GAS7: variants seen among roughly 807,000 people sequenced by gnomAD.
The protein encoded by GAS7 is growth arrest-specific protein 7.
In GAS7, 28 loss-of-function variants were observed where a neutral mutation model predicts 71.1. That is an observed-to-expected ratio of 0.39 (90% CI 0.29 to 0.54). GAS7 has a LOEUF of 0.54. GAS7 is among the 20% of genes least tolerant of loss of function. GAS7 has a pLI of 0.62. For missense variants in GAS7, 436 were observed against 627.8 expected (o/e 0.69, Z 3.27); for synonymous variants, 258 against 245.8 (o/e 1.05, Z -0.46).
chr17:10,028,115 G>C (rs2072515306), intron 1 of GAS7, among the ~76,000 whole-genome samples: 1 of 152,192 alleles, frequency 6.6e-6, no homozygotes, highest in Non-Finnish European at 1.5e-5. Context: ...GCGTTGGCCA[G>C]GATGGTCTCG....
chr17:10,044,529 T>A lies in GAS7; in HGVS notation c.184-24632A>T, dbSNP rs112748387. 1.2e-3 allele frequency among the ~76,000 whole-genome samples: 185 copies of A among 152,374 alleles called. 2 individuals carry two copies. The highest frequency in any genetic ancestry group is 1.5e-3 in the Non-Finnish European group (101 of 68,044). ...AAAATTTTAACTTTCTGTAGATTTGTATGTATTTTGTGGTAGTAAATGATA... is the reference window on the plus strand; with the variant it reads ...AAAATTTTAACTTTCTGTAGATTTGAATGTATTTTGTGGTAGTAAATGATA... On this transcript the variant is annotated intron_variant, in intron 1 of 13. Transcript: ENST00000432992.
intron 1 of GAS7, among the ~76,000 whole-genome samples, chr17:10,117,929 C>T (rs763562382): frequency 5.3e-5 from 8 of 152,120 alleles, no homozygotes; most frequent in Non-Finnish European, 7.4e-5. Flanking sequence ...AAGGTTTTTG[C>T]CTCCAGCGGC....
intron 1 of GAS7, among the ~76,000 whole-genome samples, chr17:10,032,993 C>T (rs2072658892): frequency 6.6e-6 from 1 of 152,330 alleles, no homozygotes; most frequent in Non-Finnish European, 1.5e-5. Flanking sequence ...TGGGGATTCT[C>T]TTCCCCTTTG....
chr17:9,989,824 C>T (rs1290188931), intron 2 of GAS7, among the ~76,000 whole-genome samples: 1 of 152,204 alleles, frequency 6.6e-6, no homozygotes, highest in East Asian at 1.9e-4. Context: ...ATCAAACATT[C>T]ATTATTTCAT....
In GAS7 at chr17:9,926,776, GGA is replaced by G. The variant is rs2068017733; in HGVS notation, c.886-9_886-8del. On this transcript the variant is annotated splice_polypyrimidine_tract_variant and splice_region_variant and intron_variant, in intron 9 of 13. Coordinates refer to ENST00000432992, the MANE Select transcript of GAS7 (RefSeq NM_201433.2). The surrounding 1 kb of genome is among the most constrained non-coding windows in gnomAD (Gnocchi z 5.0). Reference sequence around the variant, plus strand: ...TCTCCACCTCGCTGTGAAGCTGTTGGGAGAGTAGAGACGCACACTCAGGACCC... The same window carrying G: ...TCTCCACCTCGCTGTGAAGCTGTTGGGAGTAGAGACGCACACTCAGGACCC... 1 of 1,613,924 alleles carries G rather than the reference GGA, an allele frequency of 6.2e-7. No homozygotes were observed. The highest frequency in any genetic ancestry group is 1.3e-5 in the African/African-American group (1 of 74,928).
At chr17:9,990,504 T>C (rs1025974606) in intron 2 of GAS7, among the ~76,000 whole-genome samples, 1 of 152,114 alleles carries the variant, frequency 6.6e-6, no homozygotes, top group Non-Finnish European at 1.5e-5. Context: ...TAGAAAGGGA[T>C]GACACAGGAG....
intron 11 of GAS7, among the ~76,000 whole-genome samples, chr17:9,921,488 G>A (rs1196297123): frequency 6.6e-6 from 1 of 152,154 alleles, no homozygotes; most frequent in Non-Finnish European, 1.5e-5. Flanking sequence ...TGTACACTGT[G>A]AAACTCCCTG....
At chr17:10,097,151 G>C (rs2073649633) in intron 1 of GAS7, among the ~76,000 whole-genome samples, 1 of 152,182 alleles carries the variant, frequency 6.6e-6, no homozygotes, top group African/African-American at 2.4e-5. Context: ...TCCTCTGTAA[G>C]GCCTCCTCAC....
intron 1 of GAS7, among the ~76,000 whole-genome samples, chr17:10,195,755 C>T (rs1313415864): frequency 6.6e-6 from 1 of 152,164 alleles, no homozygotes; most frequent in African/African-American, 2.4e-5. Flanking sequence ...TTCTCTGAGT[C>T]TGCCCTTCAG....
intron 1 of GAS7, among the ~76,000 whole-genome samples, chr17:10,114,173 C>T (rs1212476454): frequency 6.6e-6 from 1 of 152,140 alleles, no homozygotes; most frequent in Non-Finnish European, 1.5e-5. Flanking sequence ...AGAAATCCTC[C>T]TGCCTCAGCC....
intron 1 of GAS7, among the ~76,000 whole-genome samples, chr17:10,187,025 G>A (rs4791933): frequency 0.057 from 8,729 of 152,270 alleles, 417 homozygotes; most frequent in East Asian, 0.17. Context: ...CCCATGTGGT[G>A]GTCAACAGGG....
chr17:10,123,941 C>A (rs2073924422), intron 1 of GAS7, among the ~76,000 whole-genome samples: 1 of 152,228 alleles, frequency 6.6e-6, no homozygotes, highest in African/African-American at 2.4e-5. Context: ...GCACAAGAGG[C>A]CAGTGGGGCA....
intron 1 of GAS7, chr17:10,039,767 G>T (rs1223632804): frequency 4.4e-6 from 2 of 456,258 alleles, no homozygotes; most frequent in South Asian, 3.1e-5. Context: ...GTTCAATCTT[G>T]GGGAGACCGA....
At chr17:10,162,913 G>A (rs1358543693) in intron 1 of GAS7, among the ~76,000 whole-genome samples, 1 of 152,146 alleles carries the variant, frequency 6.6e-6, no homozygotes, top group Non-Finnish European at 1.5e-5. Flanking sequence ...AGGCTCTGGG[G>A]CTAAATCATG....
Position 9,973,974 on chromosome 17 carries a change from G to C in GAS7, c.386-4212C>G, listed in dbSNP as rs543186544. On this transcript the variant is annotated intron_variant, in intron 3 of 13. Coordinates refer to ENST00000432992, the MANE Select transcript of GAS7 (RefSeq NM_201433.2). ...TTGTCCCAGCTCCTGAGGAGACCCT[G>C]ACTCCCTCCCTCCCCAGACCCTCCA... Among the ~76,000 whole-genome samples the C allele has an allele frequency of 1.4e-3, 214 of 152,206 alleles. 1 individual carries two copies. The highest frequency in any genetic ancestry group is 2.5e-3 in the Non-Finnish European group (170 of 67,994).
At chr17:10,024,751 A>G (rs942201078) in intron 1 of GAS7, among the ~76,000 whole-genome samples, 1 of 152,134 alleles carries the variant, frequency 6.6e-6, no homozygotes, top group Non-Finnish European at 1.5e-5. Context: ...TCCTTTAAGA[A>G]TCTGAGGAAG....
At chr17:10,195,568 G>A (rs1009504645) in intron 1 of GAS7, among the ~76,000 whole-genome samples, 2 of 152,174 alleles carry the variant, frequency 1.3e-5, no homozygotes, top group Non-Finnish European at 2.9e-5. Context: ...GTCTGTACTT[G>A]TTTCTCCAAC....
intron 1 of GAS7, among the ~76,000 whole-genome samples, chr17:10,062,327 A>G (rs1230777939): frequency 6.6e-6 from 1 of 152,214 alleles, no homozygotes; most frequent in Non-Finnish European, 1.5e-5. Context: ...TCTACTAAAA[A>G]TACACAAATT....
At chr17:10,066,735 C>G (rs1184999219) in intron 1 of GAS7, among the ~76,000 whole-genome samples, 1 of 152,162 alleles carries the variant, frequency 6.6e-6, no homozygotes, top group Non-Finnish European at 1.5e-5. Flanking sequence ...ATGTGACTGT[C>G]ATTCTGCAGG....
Sources: allele counts gnomAD v4.1 joint callset (sites outside exome capture counted in the v4.1 genomes callset), GRCh38; gene constraint gnomAD v4.1.1; non-coding constraint Gnocchi (gnomAD v3.1); transcripts MANE v1.5; gene names NCBI Gene and HGNC (gene_info 2026-07-23, HGNC 2026-07-21).